RAD51B: variants seen among roughly 807,000 people sequenced by gnomAD.
The protein encoded by RAD51B is RAD51 paralog B, also known as DNA repair protein RAD51 homolog 2.
RAD51B carries 38 observed loss-of-function variants against 42.2 expected under a neutral mutation model. That is an observed-to-expected ratio of 0.90 (90% CI 0.70 to 1.18). The LOEUF (loss-of-function observed/expected upper bound fraction) is 1.18. Among genes scored for constraint, RAD51B ranks in the 50% most tolerant of loss-of-function variants. The pLI is 0.00. For missense variants in RAD51B, 373 were observed against 400.7 expected (o/e 0.93, Z 0.59); for synonymous variants, 154 against 145.2 (o/e 1.06, Z -0.43).
intron 9 of RAD51B, among the ~76,000 whole-genome samples, chr14:68,433,558 A>T (rs2085068487): frequency 6.6e-6 from 1 of 152,152 alleles, no homozygotes; most frequent in Non-Finnish European, 1.5e-5. Flanking sequence ...AAGCTTATGC[A>T]TTCATCACGT....
intron 11 of RAD51B, among the ~76,000 whole-genome samples, chr14:68,670,135 CTA>C (rs1451638095): frequency 6.6e-6 from 1 of 152,206 alleles, no homozygotes; most frequent in African/African-American, 2.4e-5. Flanking sequence ...TAAACAGCCA[CTA>C]TGTTATTGTA....
At chr14:67,875,444 C>T (rs1384857444) in intron 5 of RAD51B, among the ~76,000 whole-genome samples, 4 of 152,018 alleles carry the variant, frequency 2.6e-5, no homozygotes, top group Non-Finnish European at 5.9e-5. Flanking sequence ...ACATTTCAGT[C>T]GAGGATGGAT....
At chr14:67,854,151 C>T (rs1566925145) in intron 4 of RAD51B, among the ~76,000 whole-genome samples, 2 of 152,292 alleles carry the variant, frequency 1.3e-5, no homozygotes, top group South Asian at 4.1e-4. Flanking sequence ...CCACACCCTC[C>T]AATGAAGTTT....
chr14:67,935,586 T>C (rs1749315197), intron 7 of RAD51B, among the ~76,000 whole-genome samples: 3 of 152,160 alleles, frequency 2.0e-5, no homozygotes, highest in African/African-American at 7.2e-5. Flanking sequence ...AGGCTAGTTA[T>C]AAATCCCTGG....
At chr14:68,321,263 C>T (rs955957010) in intron 8 of RAD51B, among the ~76,000 whole-genome samples, 4 of 152,154 alleles carry the variant, frequency 2.6e-5, no homozygotes, top group African/African-American at 4.8e-5. Context: ...AATCTTGCTC[C>T]GTACTGCAAG....
At chr14:67,844,434 A>G (rs8023116) in intron 4 of RAD51B, among the ~76,000 whole-genome samples, 5,602 of 151,738 alleles carry the variant, frequency 0.037, 303 homozygotes, top group African/African-American at 0.12. Context: ...TCTGTCTTAT[A>G]ATGTCAGTGG....
At chr14:67,911,968 C>G (rs1487356529) in intron 7 of RAD51B, among the ~76,000 whole-genome samples, 1 of 152,208 alleles carries the variant, frequency 6.6e-6, no homozygotes, top group African/African-American at 2.4e-5. Context: ...TGTCATCCCC[C>G]TGCTATAGCT....
chr14:68,066,834 A>C (rs1406590215), intron 7 of RAD51B, among the ~76,000 whole-genome samples: 9 of 152,164 alleles, frequency 5.9e-5, no homozygotes, highest in Admixed American at 4.6e-4. Flanking sequence ...ATATATCTTA[A>C]TTAAAGGAAA....
chr14:68,188,258 TTTG>T lies in RAD51B; in HGVS notation c.757-103620_757-103618del, dbSNP rs1347793347. Among the ~76,000 whole-genome samples the T allele has an allele frequency of 4.6e-5, 7 of 151,992 alleles. No individual in the cohort carries two copies. In the East Asian group the frequency reaches 1.4e-3, roughly 29 times the overall value. ...GGATAGTGATTTCTTTTTTTTTTTC[TTTG>T]TTGTTCTTCTTTTTTCTTTTTCCTT... On this transcript the variant is annotated intron_variant, in intron 7 of 10. Coordinates refer to ENST00000471583, the MANE Select transcript of RAD51B (RefSeq NM_133510.4).
chr14:68,251,429 T>G (rs747982778), intron 7 of RAD51B, among the ~76,000 whole-genome samples: 6 of 152,298 alleles, frequency 3.9e-5, no homozygotes, highest in Non-Finnish European at 8.8e-5. Context: ...GTCCCAGTCC[T>G]TTTTCTATTT....
chr14:68,209,352 A>C (rs1244630180), intron 7 of RAD51B, among the ~76,000 whole-genome samples: 2 of 152,202 alleles, frequency 1.3e-5, no homozygotes, highest in African/African-American at 2.4e-5. Context: ...AGGCAGTGAC[A>C]GAGGGCACAG....
intron 7 of RAD51B, among the ~76,000 whole-genome samples, chr14:67,937,864 TA>T (rs1427354548): frequency 1.3e-5 from 2 of 152,156 alleles, no homozygotes; most frequent in African/African-American, 4.8e-5. Context: ...GAAATGGGCA[TA>T]TCTGGCAAGT....
At chr14:68,077,871 G>A (rs1159759002) in intron 7 of RAD51B, among the ~76,000 whole-genome samples, 4 of 152,228 alleles carry the variant, frequency 2.6e-5, no homozygotes, top group South Asian at 4.1e-4. Flanking sequence ...CAGGCGAATC[G>A]CTTGAACCCG....
intron 8 of RAD51B, among the ~76,000 whole-genome samples, chr14:68,364,946 T>C (rs1222858612): frequency 6.6e-6 from 1 of 152,172 alleles, no homozygotes; most frequent in African/African-American, 2.4e-5. Flanking sequence ...GGGCAGGAAT[T>C]GGCAGGTGTT....
At chr14:67,848,980 A>G (rs10142687) in intron 4 of RAD51B, among the ~76,000 whole-genome samples, 9,715 of 152,110 alleles carry the variant, frequency 0.064, 695 homozygotes, top group African/African-American at 0.18. Context: ...CCTTCTGTCC[A>G]TGCATTACCA....
intron 7 of RAD51B, among the ~76,000 whole-genome samples, chr14:68,270,760 C>G (rs2081089055): frequency 6.6e-6 from 1 of 152,150 alleles, no homozygotes; most frequent in Non-Finnish European, 1.5e-5. Context: ...TGCCTAGATA[C>G]AGCTACCAAC....
At chr14:68,072,502 C>T (rs73284295) in intron 7 of RAD51B, among the ~76,000 whole-genome samples, 2,226 of 152,052 alleles carry the variant, frequency 0.015, 58 homozygotes, top group African/African-American at 0.05. Context: ...GCTTTACATT[C>T]GCTGGCAGCT....
intron 7 of RAD51B, among the ~76,000 whole-genome samples, chr14:68,024,744 A>G (rs2075924462): frequency 6.6e-6 from 1 of 152,128 alleles, no homozygotes; most frequent in South Asian, 2.1e-4. Flanking sequence ...GGCTTTTGGC[A>G]GAGTCTTCAG....
intron 9 of RAD51B, among the ~76,000 whole-genome samples, chr14:68,436,924 T>C (rs1215612994): frequency 6.6e-6 from 1 of 152,130 alleles, no homozygotes; most frequent in Admixed American, 6.6e-5. Context: ...TAGTGGAGTC[T>C]TTAGGGTTTT....
Sources: allele counts gnomAD v4.1 joint callset (sites outside exome capture counted in the v4.1 genomes callset), GRCh38; gene constraint gnomAD v4.1.1; transcripts MANE v1.5; gene names NCBI Gene and HGNC (gene_info 2026-07-23, HGNC 2026-07-21).